The following PCDHGB1 variants were observed in gnomAD, a reference collection of about 807,000 sequenced individuals.
PCDHGB1 encodes protocadherin gamma subfamily B, 1.
Under a neutral mutation model 56.6 loss-of-function variants are expected in PCDHGB1, and 34 were observed. The observed-to-expected ratio is 0.60, with a 90% CI of 0.46 to 0.80. The LOEUF (loss-of-function observed/expected upper bound fraction) is 0.80. PCDHGB1 is among the 30% of genes least tolerant of loss of function. PCDHGB1 has a pLI of 0.00. For synonymous variants in PCDHGB1, 561 were observed against 505.9 expected (o/e 1.11, Z -1.46); for missense variants, 1,278 against 1,204.6 (o/e 1.06, Z -0.90).
chr5:141,444,152 A>AT (rs747671382), intron 1 of PCDHGB1, among the ~76,000 whole-genome samples: 1,130 of 33,890 alleles, frequency 0.033, 460 homozygotes, highest in Non-Finnish European at 0.038. Flanking sequence ...TGTGTACTGG[A>AT]TTTTTTTTTT....
At chr5:141,389,146 C>G (rs567517174) in intron 1 of PCDHGB1, 2 of 1,613,996 alleles carry the variant, frequency 1.2e-6, no homozygotes, top group Non-Finnish European at 1.7e-6. Context: ...ATAACCGTTA[C>G]GGCAACAGAT....
At chr5:141,402,162 A>T (rs2150923142) in intron 1 of PCDHGB1, among the ~76,000 whole-genome samples, 1 of 152,306 alleles carries the variant, frequency 6.6e-6, no homozygotes, top group East Asian at 1.9e-4. Context: ...TTAGGCGAGA[A>T]CATCTGTAAC....
chr5:141,400,439 C>T, intron 1 of PCDHGB1: 1 of 1,614,056 alleles, frequency 6.2e-7, no homozygotes. Context: ...CAATTGAGTT[C>T]AGGACAAGAC....
intron 1 of PCDHGB1, chr5:141,413,324 G>A: frequency 6.2e-7 from 1 of 1,613,968 alleles, no homozygotes; most frequent in South Asian, 1.1e-5. Context: ...TCTTTCGTGG[G>A]CAACATCTCC....
rs1437409726 is a variant in PCDHGB1, at chr5:141,471,036, C to T, written c.2410-23771C>T. Among the ~76,000 whole-genome samples the T allele has an allele frequency of 2.8e-5, 4 of 144,908 alleles. No homozygotes were observed. The South Asian group carries it at 6.5e-4, about 24-fold the overall frequency. ...CTGGTCAATCATTTTTATTAACAAG[C>T]CCAAGCCCTCTTTTTTTTTTTTTTT... On this transcript the variant is annotated intron_variant, in intron 1 of 3. Transcript: ENST00000523390.
At chr5:141,501,287 T>C (rs1025193070) in intron 2 of PCDHGB1, among the ~76,000 whole-genome samples, 1 of 96,980 alleles carries the variant, frequency 1.0e-5, no homozygotes, top group African/African-American at 4.2e-5. Context: ...GGATATTCCC[T>C]TATACACACA....
Position 141,487,819 on chromosome 5 carries a change from C to T in PCDHGB1, c.2410-6988C>T, listed in dbSNP as rs559702138. 28 of 1,285,530 alleles carry T rather than the reference C, an allele frequency of 2.2e-5. No homozygotes were observed. The highest frequency in any genetic ancestry group is 7.6e-5 in the East Asian group (3 of 39,466). 79.6% of individuals were successfully genotyped at this position (1,285,530 alleles called of 1,614,324 possible). ...AGTTGTCACAGTTTAGCATTGGGGG[C>T]GGGTCATGCCTATATCTGAGTAAGA... is the stretch of plus-strand genomic sequence containing the variant. On this transcript the variant is annotated intron_variant, in intron 1 of 3. Transcript: ENST00000523390. The surrounding 1 kb of genome is among the most constrained non-coding windows in gnomAD (Gnocchi z 5.0).
rs186599132 is a variant in PCDHGB1, at chr5:141,355,599, T to G, written c.2409+2930T>G. The G allele has an allele frequency of 4.5e-5, 73 of 1,613,996 alleles. 1 individual carries two copies. In the African/African-American group the frequency reaches 6.7e-4, roughly 15 times the overall value. ...ATGTTAATGATAACCCACCCAGTTT[T>G]GGGACAGAACAGAGGGAAATAAAAG... On this transcript the variant is annotated intron_variant, in intron 1 of 3. Coordinates refer to ENST00000523390, the MANE Select transcript of PCDHGB1 (RefSeq NM_018922.3).
rs778485455 is a variant in PCDHGB1 at position 141,351,887 on chromosome 5, A to T, written c.1627A>T (p.Ser543Cys). 6.2e-7 allele frequency: 1 copy of T among 1,613,388 alleles called. No homozygotes were observed. The highest frequency in any genetic ancestry group is 8.5e-7 in the Non-Finnish European group (1 of 1,179,742). The stretch of plus-strand genomic sequence containing the variant: ...CTCCCCCGCGCTCAGCGCCAACGTG[A>T]GCCTGCGCGTGTTGGTGGGCGACCT... The part of the protein sequence containing the change: ...QGSPALSANV[S>C]LRVLVGDLND... The change falls in exon 1 of 4, where the codon AGC becomes TGC. Residue 543 changes from serine to cysteine, a missense_variant. Physicochemically the swap from Ser to Cys is moderately radical, Grantham distance 112. Coordinates refer to ENST00000523390, the MANE Select transcript of PCDHGB1 (RefSeq NM_018922.3).
intron 1 of PCDHGB1, among the ~76,000 whole-genome samples, chr5:141,455,407 A>T (rs1273781307): frequency 1.3e-5 from 2 of 152,174 alleles, no homozygotes; most frequent in Non-Finnish European, 2.9e-5. Context: ...TTACAGAGAC[A>T]GAGGGAGCGG....
chr5:141,471,747 T>A (rs2099263878), intron 1 of PCDHGB1, among the ~76,000 whole-genome samples: 1 of 152,200 alleles, frequency 6.6e-6, no homozygotes, highest in African/African-American at 2.4e-5. Context: ...ACATAACATA[T>A]TTGAGGGTGT....
intron 2 of PCDHGB1, among the ~76,000 whole-genome samples, chr5:141,502,908 C>G (rs1398336138): frequency 1.5e-5 from 2 of 132,418 alleles, no homozygotes; most frequent in Non-Finnish European, 3.0e-5. Flanking sequence ...TGTTGCCAGG[C>G]TGGAGTGCAG....
Position 141,406,737 on chromosome 5 carries a change from T to C in PCDHGB1, c.2409+54068T>C, listed in dbSNP as rs540886306. 1.1e-4 allele frequency among the ~76,000 whole-genome samples: 16 copies of C among 152,348 alleles called. No homozygotes were observed. The South Asian group carries it at 3.3e-3, about 32-fold the overall frequency. ...AAGAGAAGTTTCTAAGACTGGACAC[T>C]GTGAAATGACAAAACAAGGAATTAA... On this transcript the variant is annotated intron_variant, in intron 1 of 3. Coordinates refer to ENST00000523390, the MANE Select transcript of PCDHGB1 (RefSeq NM_018922.3).
chr5:141,452,378 T>C (rs1227738942), intron 1 of PCDHGB1, among the ~76,000 whole-genome samples: 1 of 152,226 alleles, frequency 6.6e-6, no homozygotes, highest in African/African-American at 2.4e-5. Context: ...TAGTAGGGAA[T>C]AGTATTTAGA....
chr5:141,376,197 T>G, intron 1 of PCDHGB1: 1 of 1,614,174 alleles, frequency 6.2e-7, no homozygotes, highest in Non-Finnish European at 8.5e-7. Flanking sequence ...TGCGTCTTCC[T>G]GGCCTTCGTC....
chr5:141,389,990 C>CTCA (rs1156236363), intron 1 of PCDHGB1: 4 of 1,614,044 alleles, frequency 2.5e-6, no homozygotes, highest in Non-Finnish European at 2.5e-6. Flanking sequence ...TGCTCTTCCT[C>CTCA]GTGGCCATGA....
chr5:141,414,408 C>A (rs1190630924), intron 1 of PCDHGB1: 1 of 1,613,752 alleles, frequency 6.2e-7, no homozygotes, highest in Non-Finnish European at 8.5e-7. Context: ...TGGTGATACA[C>A]AGAGCCCTTG....
intron 1 of PCDHGB1, chr5:141,365,077 G>A: frequency 6.2e-7 from 1 of 1,613,842 alleles, no homozygotes; most frequent in African/African-American, 1.3e-5. Context: ...AGTACAGCGT[G>A]AGTGTTCCAG....
At chr5:141,427,570 C>G (rs1487817661) in intron 1 of PCDHGB1, 8 of 662,270 alleles carry the variant, frequency 1.2e-5, no homozygotes, top group Non-Finnish European at 2.2e-5. Flanking sequence ...GGCAAGCCTC[C>G]GCTCTCATCC....
Sources: gnomAD v4.1 joint callset for allele counts (sites outside exome capture counted in the v4.1 genomes callset) on GRCh38, gnomAD v4.1.1 for gene constraint, Gnocchi (gnomAD v3.1) non-coding constraint, MANE v1.5 for transcripts, NCBI Gene and HGNC (gene_info 2026-07-23, HGNC 2026-07-21) for gene names.